Variants in SACS observed in about 807,000 individuals in gnomAD.
The protein encoded by SACS is sacsin.
Under a neutral mutation model 348.0 loss-of-function variants are expected in SACS, and 197 were observed. The observed-to-expected ratio is 0.57, with a 90% CI of 0.50 to 0.64. The LOEUF (loss-of-function observed/expected upper bound fraction) is 0.64. Among genes scored for constraint, SACS ranks in the 30% least tolerant of loss-of-function variants. The pLI, the probability that SACS is intolerant of heterozygous loss-of-function variation, is 0.00. For missense variants in SACS, 4,999 were observed against 5,360.8 expected (o/e 0.93, Z 2.11); for synonymous variants, 1,985 against 1,910.6 (o/e 1.04, Z -1.02).
intron 2 of SACS, among the ~76,000 whole-genome samples, chr13:23,382,956 ATT>A (rs67400239): frequency 0.043 from 4,007 of 93,484 alleles, 189 homozygotes; most frequent in African/African-American, 0.13. Flanking sequence ...TGCCCAGCTA[ATT>A]TTTTTTTTTT....
chr13:23,375,288 C>CG lies in SACS; in HGVS notation c.21-20dup. 2.1e-6 allele frequency: 3 copies of CG among 1,431,428 alleles called. No individual in the cohort carries two copies. Among genetic ancestry groups the CG allele is most frequent in the Non-Finnish European group, 2.8e-6 (3 of 1,084,310 alleles). 88.7% of individuals were successfully genotyped at this position (1,431,428 alleles called of 1,614,324 possible). A position where few individuals can be genotyped will look rare whatever the true frequency, so the allele number is the denominator to read the frequency against. On this transcript the variant is annotated intron_variant, in intron 2 of 9. Transcript: ENST00000382292. ...GACCCACCTGTGGAAAGCAGAGGGA[C>CG]GCTCAGTCGGGCTGCGGCTGCCACC...
At chr13:23,398,159 C>G (rs1383655797) in intron 2 of SACS, among the ~76,000 whole-genome samples, 2 of 151,472 alleles carry the variant, frequency 1.3e-5, no homozygotes, top group Non-Finnish European at 2.9e-5. Context: ...CCATTGCACT[C>G]CAGCCTGGGC....
At chr13:23,343,542 G>A (rs563939768) in intron 9 of SACS, among the ~76,000 whole-genome samples, 17 of 152,166 alleles carry the variant, frequency 1.1e-4, no homozygotes, top group Admixed American at 2.6e-4. Flanking sequence ...AAAATTAGCC[G>A]GGCGTGGTGG....
chr13:23,432,557 A>G (rs1874477025), intron 1 of SACS, among the ~76,000 whole-genome samples: 2 of 152,224 alleles, frequency 1.3e-5, no homozygotes, highest in South Asian at 4.1e-4. Context: ...CTGGGACATC[A>G]TGACCCTGCA....
Position 23,333,508 on chromosome 13 carries a change from T to A in SACS, c.10368A>T (p.Lys3456Asn), listed in dbSNP as rs779769722. 6.2e-7 allele frequency: 1 copy of A among 1,613,524 alleles called. No individual in the cohort carries two copies. Among genetic ancestry groups the A allele is most frequent in the Non-Finnish European group, 8.5e-7 (1 of 1,179,628 alleles). ...CCTCATATAGTTCTTTTAAGTGTAT[T>A]TTTTCTTCAAGAAATGCAGATGATG... The part of the protein sequence containing the change: ...QSSSSAFLEE[K>N]IHLKELYEVI... Residue 3456 changes from lysine (K) to asparagine (N), a missense_variant, in exon 10 of 10, where the codon AAA becomes AAT. This residue lies in a region of SACS where 734 missense variants were observed against 694.0 expected (regional missense o/e 1.06). Transcript: ENST00000382292.
Position 23,338,297 on chromosome 13 carries a change from T to C in SACS, c.5579A>G (p.Lys1860Arg). The change falls in exon 10 of 10, where the codon AAG becomes AGG. Residue 1860 changes from lysine to arginine, a missense_variant. Around this residue, in one of 6 missense-constraint regions of SACS, gnomAD observed 3,156 missense variants for 3,380.1 expected, o/e 0.93. Coordinates refer to ENST00000382292, the MANE Select transcript of SACS (RefSeq NM_014363.6). ...GVQLSEIQDQ[K>R]WTVKPHIGEV... Reference sequence around the variant, plus strand: ...TCCAATGTGTGGTTTCACTGTCCACTTCTGGTCCTGGATTTCTGACAGCTG... The same window carrying C: ...TCCAATGTGTGGTTTCACTGTCCACCTCTGGTCCTGGATTTCTGACAGCTG... The C allele has an allele frequency of 6.2e-7, 1 of 1,614,178 alleles. No individual in the cohort carries two copies. The highest frequency in any genetic ancestry group is 8.5e-7 in the Non-Finnish European group (1 of 1,180,016).
intron 9 of SACS, among the ~76,000 whole-genome samples, chr13:23,343,615 C>T (rs1185825134): frequency 1.3e-5 from 2 of 152,098 alleles, no homozygotes; most frequent in Admixed American, 6.5e-5. Flanking sequence ...ACCCGGGAGG[C>T]GGAGGTTGCA....
At position 23,365,250 on chromosome 13, in the gene SACS, C is replaced by T. The variant is rs1422603294; in HGVS notation, c.373G>A (p.Gly125Arg). 7 of 1,609,598 alleles carry T rather than the reference C, an allele frequency of 4.3e-6. No individual in the cohort carries two copies. In the Admixed American group the frequency reaches 6.7e-5, roughly 15 times the overall value. Reference protein sequence around the residue: ...KELIQNAEDAGATEVKFLYDE... With the variant: ...KELIQNAEDARATEVKFLYDE... ...TATAAAAATTTAACTTCTGTCGCCCCAGCATCTTCTGCATTCTGAATTAAT... is the reference window on the plus strand; with the variant it reads ...TATAAAAATTTAACTTCTGTCGCCCTAGCATCTTCTGCATTCTGAATTAAT... The change falls in exon 6 of 10, where the codon GGG becomes AGG. Residue 125 changes from glycine (G) to arginine (R), a missense_variant. This residue lies in a region of SACS where 3,156 missense variants were observed against 3,380.1 expected (regional missense o/e 0.93). Coordinates refer to ENST00000382292, the MANE Select transcript of SACS (RefSeq NM_014363.6).
At chr13:23,392,144 TG>T (rs1255313306) in intron 2 of SACS, among the ~76,000 whole-genome samples, 1 of 152,184 alleles carries the variant, frequency 6.6e-6, no homozygotes, top group Non-Finnish European at 1.5e-5. Flanking sequence ...GGCATCCTGT[TG>T]CCTTTTGATG....
chr13:23,331,466 T>C lies in SACS; in HGVS notation c.12410A>G (p.Asp4137Gly). ...AGAGTCATATTTCACTCCTAAACTG[T>C]CAAGTTTCTCACCAATCCTGTAAAT... is the stretch of plus-strand genomic sequence containing the variant. Reference protein sequence around the residue: ...NDIYRIGEKLDSLGVKYDSSE... With the variant: ...NDIYRIGEKLGSLGVKYDSSE... The change falls in exon 10 of 10, where the codon GAC (aspartate) becomes GGC (glycine). Residue 4137 changes from aspartate to glycine, a missense_variant. Transcript: ENST00000382292. 1.2e-6 allele frequency: 2 copies of C among 1,614,026 alleles called. No individual in the cohort carries two copies. The highest frequency in any genetic ancestry group is 1.7e-6 in the Non-Finnish European group (2 of 1,179,946).
intron 5 of SACS, 66 bp from the exon 6 acceptor site, chr13:23,365,343 TTATCTATAA>T: frequency 3.4e-6 from 3 of 891,466 alleles, no homozygotes; most frequent in Non-Finnish European, 5.2e-6. Context: ...ATCTTTGTAT[TTATCTATAA>T]TATTTAAGAA....
In SACS at chr13:23,340,079, C is replaced by T. The variant is rs776180629; in HGVS notation, c.3797G>A (p.Gly1266Glu). Residue 1266 changes from glycine (G) to glutamate (E), a missense_variant, in exon 10 of 10, where the codon GGG becomes GAG. By Grantham distance (98) the Gly-to-Glu change is moderately conservative. Around this residue, in one of 6 missense-constraint regions of SACS, gnomAD observed 3,156 missense variants for 3,380.1 expected, o/e 0.93. Coordinates refer to ENST00000382292, the MANE Select transcript of SACS (RefSeq NM_014363.6). ...TTTTAAGGCTCTAAAAGAATCTTTC[C>T]CTTCATTTAGATGATCATGCATGAA... Reference protein sequence around the residue: ...YGFMHDHLNEGKDSFRALKFP... With the variant: ...YGFMHDHLNEEKDSFRALKFP... 4.3e-5 allele frequency: 70 copies of T among 1,613,814 alleles called. 1 individual carries two copies. The highest frequency in any genetic ancestry group is 5.8e-5 in the Non-Finnish European group (69 of 1,179,940).
At chr13:23,371,053 A>G (rs1462504104) in intron 4 of SACS, 25 bp downstream of exon 4, 9 of 1,424,264 alleles carry the variant, frequency 6.3e-6, no homozygotes, top group Non-Finnish European at 8.8e-6. Context: ...CATGGTATAT[A>G]CTTCTGGTAA....
rs1424979982 is a variant in SACS at position 23,354,739 on chromosome 13, T to G, written c.1873A>C (p.Lys625Gln). The G allele has an allele frequency of 3.1e-6, 5 of 1,613,562 alleles. No homozygotes were observed. Among genetic ancestry groups the G allele is most frequent in the Non-Finnish European group, 4.2e-6 (5 of 1,179,568 alleles). Residue 625 changes from lysine (K) to glutamine (Q), a missense_variant, in exon 8 of 10, where the codon AAG becomes CAG. Coordinates refer to ENST00000382292, the MANE Select transcript of SACS (RefSeq NM_014363.6). ...TGCCGCACCCACGCGGGCGTCACCT[T>G]CCTCACAGGTGTTGTGCCAGAGGCA... Reference protein sequence around the residue: ...TAASGTTPVRKVTPAWVRQVL... With the variant: ...TAASGTTPVRQVTPAWVRQVL...
Position 23,334,535 on chromosome 13 carries a change from A to G in SACS, c.9341T>C (p.Ile3114Thr). 1 of 1,613,584 alleles carries G rather than the reference A, an allele frequency of 6.2e-7. No homozygotes were observed. Among genetic ancestry groups the G allele is most frequent in the Non-Finnish European group, 8.5e-7 (1 of 1,179,752 alleles). Residue 3114 changes from isoleucine to threonine, a missense_variant, in exon 10 of 10, where the codon ATT becomes ACT. This residue lies in a region of SACS where 734 missense variants were observed against 694.0 expected (regional missense o/e 1.06). Transcript: ENST00000382292. ...TFSSPDTNCHIGKLPCRLQQT... is the reference protein window; with the variant it reads ...TFSSPDTNCHTGKLPCRLQQT... ...CTGCAGACGACAAGGCAGCTTCCCA[A>G]TATGGCAATTAGTGTCAGGAGAGGA...
Position 23,331,334 on chromosome 13 carries a change from TATTCTCCCGGGTAAAAAAC to T in SACS, c.12523_12541del (p.Val4175MetfsTer41). The stretch of plus-strand genomic sequence containing the variant: ...TTCAGCATCAACAAGGTACCCAACA[TATTCTCCCGGGTAAAAAAC>T]ATTCATTGGGTCCATAAGCAGAGTG... On this transcript the variant is annotated frameshift_variant, in exon 10 of 10. Transcript: ENST00000382292. LOFTEE classifies it high-confidence loss of function. The T allele has an allele frequency of 6.2e-7, 1 of 1,614,018 alleles. No individual in the cohort carries two copies. The highest frequency in any genetic ancestry group is 8.5e-7 in the Non-Finnish European group (1 of 1,179,952).
chr13:23,332,606 T>C lies in SACS; in HGVS notation c.11270A>G (p.Asn3757Ser). ...CATTTCTTCATCCAACGTCGTTATG[T>C]TGCATATGTTTCTGCAGTTATTGAT... ...KVINNCRNIC[N>S]ITTLDEEMVK... The change falls in exon 10 of 10, where the codon AAC (asparagine) becomes AGC (serine). Residue 3757 changes from asparagine (N) to serine (S), a missense_variant. Transcript: ENST00000382292. The C allele has an allele frequency of 6.2e-7, 1 of 1,613,708 alleles. No homozygotes were observed. Among genetic ancestry groups the C allele is most frequent in the Middle Eastern group, 1.6e-4 (1 of 6,062 alleles).
chr13:23,398,301 G>C (rs1477000336), intron 2 of SACS, among the ~76,000 whole-genome samples: 1 of 152,022 alleles, frequency 6.6e-6, no homozygotes. Context: ...GGGAGGCCAA[G>C]GTGGGCAGAT....
chr13:23,384,030 T>G (rs1872173602), intron 2 of SACS, among the ~76,000 whole-genome samples: 1 of 152,202 alleles, frequency 6.6e-6, no homozygotes, highest in Non-Finnish European at 1.5e-5. Flanking sequence ...TTAAATCATG[T>G]AATGGAAGAA....
Sources: allele counts gnomAD v4.1 joint callset (sites outside exome capture counted in the v4.1 genomes callset), GRCh38; gene constraint gnomAD v4.1.1; regional missense constraint gnomAD v4.1.1; transcripts MANE v1.5; gene names NCBI Gene and HGNC (gene_info 2026-07-23, HGNC 2026-07-21).